Variants in KLF12 observed in about 807,000 individuals in gnomAD.
The protein encoded by KLF12 is KLF transcription factor 12.
Under a neutral mutation model 37.8 loss-of-function variants are expected in KLF12, and 9 were observed. The ratio of observed to expected loss-of-function variants is 0.24; its 90% CI spans 0.14 to 0.42. The LOEUF is 0.42. Among genes scored for constraint, KLF12 ranks in the 10% least tolerant of loss-of-function variants. KLF12 has a pLI of 1.00. For synonymous variants in KLF12, 208 were observed against 202.1 expected (o/e 1.03, Z -0.25); for missense variants, 411 against 516.0 (o/e 0.80, Z 1.97).
At chr13:74,144,930 G>T in the KLF12 span, among the ~76,000 whole-genome samples, 1 of 151,996 alleles carries the variant, frequency 6.6e-6, no homozygotes, top group Non-Finnish European at 1.5e-5. Flanking sequence ...TTTCCCATAT[G>T]AATAAAATTC....
chr13:74,130,115 G>A (rs566240605), intron 1 of KLF12, among the ~76,000 whole-genome samples: 179 of 152,326 alleles, frequency 1.2e-3, no homozygotes, highest in Admixed American at 2.2e-3. Flanking sequence ...GGGAGGAGTG[G>A]TTGTGGTAGA....
At chr13:74,108,404 T>C (rs1013586455) in intron 1 of KLF12, among the ~76,000 whole-genome samples, 1 of 152,202 alleles carries the variant, frequency 6.6e-6, no homozygotes, top group Admixed American at 6.5e-5. Flanking sequence ...TAAATGGAAC[T>C]CTTTAAGAGC....
chr13:74,085,017 G>A (rs1032913586), intron 1 of KLF12, among the ~76,000 whole-genome samples: 4 of 151,996 alleles, frequency 2.6e-5, no homozygotes, highest in Admixed American at 6.6e-5. Flanking sequence ...TACCCTACAG[G>A]TCTATATCAT....
At chr13:74,033,780 T>C (rs1162388410) in intron 1 of KLF12, among the ~76,000 whole-genome samples, 1 of 152,190 alleles carries the variant, frequency 6.6e-6, no homozygotes, top group African/African-American at 2.4e-5. Flanking sequence ...CTCATAATTA[T>C]ATTTTTGGAA....
chr13:74,155,638 C>T, the KLF12 span, among the ~76,000 whole-genome samples: 1 of 151,908 alleles, frequency 6.6e-6, no homozygotes, highest in Non-Finnish European at 1.5e-5. Flanking sequence ...GCTGGGATTA[C>T]AGGCGGGAAC....
intron 4 of KLF12, among the ~76,000 whole-genome samples, chr13:73,830,991 TACACACAC>T (rs71115618): frequency 8.4e-5 from 10 of 118,928 alleles, no homozygotes; most frequent in South Asian, 8.4e-4. Context: ...ACGCAATTCA[TACACACAC>T]ACACACACAC....
chr13:74,147,908 CTTCTTTTTT>C, the KLF12 span, among the ~76,000 whole-genome samples: 1 of 151,814 alleles, frequency 6.6e-6, no homozygotes, highest in African/African-American at 2.4e-5. Context: ...TGTTTTCTCA[CTTCTTTTTT>C]TTCTTTTTTT....
chr13:74,256,688 TTGTGTGTG>T, the KLF12 span, among the ~76,000 whole-genome samples: 422 of 148,020 alleles, frequency 2.9e-3, 3 homozygotes, highest in African/African-American at 9.7e-3. Flanking sequence ...TGAGTAGAGC[TTGTGTGTG>T]TGTGTGTGTG....
the KLF12 span, among the ~76,000 whole-genome samples, chr13:74,278,255 C>A: frequency 2.0e-5 from 3 of 152,112 alleles, no homozygotes; most frequent in African/African-American, 7.2e-5. Context: ...TGACAGCTGC[C>A]AGTTTATCTC....
intron 5 of KLF12, among the ~76,000 whole-genome samples, chr13:73,769,750 T>G (rs4885116): frequency 0.78 from 118,207 of 152,010 alleles, 46,103 homozygotes; most frequent in South Asian, 0.88. Context: ...TTCAAAAATG[T>G]TGGAATTATT....
At chr13:73,777,746 G>A (rs184988947) in intron 5 of KLF12, among the ~76,000 whole-genome samples, 3 of 151,622 alleles carry the variant, frequency 2.0e-5, no homozygotes, top group South Asian at 2.1e-4. Context: ...AATGGCAAAC[G>A]GGTGTGCAAA....
At chr13:73,778,002 C>T (rs897604200) in intron 5 of KLF12, among the ~76,000 whole-genome samples, 23 of 151,810 alleles carry the variant, frequency 1.5e-4, no homozygotes, top group Non-Finnish European at 2.6e-4. Context: ...GGCATGGTGG[C>T]GCATGCCTGT....
At chr13:73,841,420 A>T (rs1192139516) in intron 4 of KLF12, among the ~76,000 whole-genome samples, 1 of 151,548 alleles carries the variant, frequency 6.6e-6, no homozygotes, top group East Asian at 1.9e-4. Flanking sequence ...TTGCAAAAAA[A>T]GTCTCATAAT....
In KLF12 at chr13:73,691,215, T is replaced by C. The variant is rs906030850; in HGVS notation, c.*4275A>G. ...CACACATGTGCATGTGTTGGGGCTGTCTGTACAGGTTAAGTGGAAGGCAGT... is the reference window on the plus strand; with the variant it reads ...CACACATGTGCATGTGTTGGGGCTGCCTGTACAGGTTAAGTGGAAGGCAGT... On this transcript the variant is annotated 3_prime_UTR_variant, in exon 8 of 8. Transcript: ENST00000377669. The C allele has an allele frequency of 6.6e-6, 1 of 152,670 alleles. No individual in the cohort carries two copies. The highest frequency in any genetic ancestry group is 1.9e-4 in the East Asian group (1 of 5,198). 9.5% of individuals were successfully genotyped at this position (152,670 alleles called of 1,614,324 possible).
chr13:73,825,758 T>A (rs981574503), intron 4 of KLF12, among the ~76,000 whole-genome samples: 1 of 152,184 alleles, frequency 6.6e-6, no homozygotes, highest in Non-Finnish European at 1.5e-5. Context: ...TAATATGTAT[T>A]CTAAACATCA....
At chr13:74,062,781 G>GA (rs1262569699) in intron 1 of KLF12, among the ~76,000 whole-genome samples, 1 of 152,138 alleles carries the variant, frequency 6.6e-6, no homozygotes, top group Non-Finnish European at 1.5e-5. Context: ...AAAGAAAAAC[G>GA]AAAAAATCCA....
chr13:74,299,887 A>G, the KLF12 span, among the ~76,000 whole-genome samples: 3 of 152,192 alleles, frequency 2.0e-5, no homozygotes, highest in African/African-American at 7.2e-5. Flanking sequence ...AGTTCAGGAA[A>G]GGAGAAAGAA....
intron 1 of KLF12, among the ~76,000 whole-genome samples, chr13:74,053,022 G>A (rs770521732): frequency 2.0e-5 from 3 of 152,116 alleles, no homozygotes; most frequent in Non-Finnish European, 4.4e-5. Context: ...TACTTATTCC[G>A]CACCAGGAGG....
chr13:73,879,885 G>A (rs1396562858), intron 3 of KLF12, among the ~76,000 whole-genome samples: 2 of 152,184 alleles, frequency 1.3e-5, no homozygotes, highest in African/African-American at 4.8e-5. Context: ...GGTTCACACA[G>A]CCTAAATAAA....
Sources: gnomAD v4.1 joint callset for allele counts (sites outside exome capture counted in the v4.1 genomes callset) on GRCh38, gnomAD v4.1.1 for gene constraint, MANE v1.5 for transcripts, NCBI Gene and HGNC (gene_info 2026-07-23, HGNC 2026-07-21) for gene names.